NRG3: variants seen among roughly 807,000 people sequenced by gnomAD.
NRG3 encodes the protein pro-neuregulin-3, membrane-bound isoform.
A neutral mutation model predicts 66.9 loss-of-function variants in NRG3; 31 were observed. That is an observed-to-expected ratio of 0.46 (90% CI 0.35 to 0.63). NRG3 has a LOEUF of 0.63. NRG3 is among the 20% of genes least tolerant of loss of function. The pLI is 0.00. For synonymous variants in NRG3, 393 were observed against 359.4 expected, an observed-to-expected ratio of 1.09 and a Z score of -1.06; for missense variants, 910 against 878.9, an observed-to-expected ratio of 1.04 and a Z score of -0.45.
In NRG3 at chr10:82,985,142, A is replaced by C; in HGVS notation, c.1628A>C (p.Asn543Thr). 1.2e-6 allele frequency: 2 copies of C among 1,614,042 alleles called. No homozygotes were observed. The highest frequency in any genetic ancestry group is 1.7e-6 in the Non-Finnish European group (2 of 1,179,978). The change falls in exon 9 of 9, where the codon AAT becomes ACT. Residue 543 changes from asparagine to threonine, a missense_variant. Transcript: ENST00000372141. ...AAAACCCAACGAAATACATCAATAA[A>C]TATGCAACTGCCTTCAAGAGAGACA... ...GLKTQRNTSI[N>T]MQLPSRETNP... is the part of the protein sequence containing the mutation.
At chr10:81,908,010 C>A (rs1431353442) in intron 1 of NRG3, among the ~76,000 whole-genome samples, 2 of 151,904 alleles carry the variant, frequency 1.3e-5, no homozygotes, top group African/African-American at 4.8e-5. Flanking sequence ...AGACAAAGGC[C>A]CTCTTTAATT....
chr10:82,725,485 A>T (rs1012396405), intron 2 of NRG3, among the ~76,000 whole-genome samples: 2 of 152,180 alleles, frequency 1.3e-5, no homozygotes, highest in African/African-American at 4.8e-5. Context: ...CAAGTGCCTT[A>T]TCCTTAAAAC....
Position 81,875,391 on chromosome 10 carries a change from C to T in NRG3, c.51C>T (p.Ala17=). ...AASPPGAASA[A]AASAEEGTAA... is the part of the protein sequence containing the mutation. ...CGCCACCTGGTGCCGCTTCGGCAGC[C>T]GCCGCCTCGGCCGAGGAGGGCACCG... is the stretch of plus-strand genomic sequence containing the variant. Residue 17 remains alanine, a synonymous_variant, in exon 1 of 9, where the codon GCC becomes GCT. Transcript: ENST00000372141. This position sits in a 1 kb window ranked among gnomAD's most constrained non-coding sequence, Gnocchi z 5.3. 1 of 997,890 alleles carries T rather than the reference C, an allele frequency of 1.0e-6. No individual in the cohort carries two copies. The highest frequency in any genetic ancestry group is 1.2e-6 in the Non-Finnish European group (1 of 839,966). 61.8% of individuals were successfully genotyped at this position (997,890 alleles called of 1,614,324 possible).
intron 1 of NRG3, among the ~76,000 whole-genome samples, chr10:82,342,492 T>C (rs1394543566): frequency 3.3e-5 from 5 of 152,146 alleles, no homozygotes; most frequent in Non-Finnish European, 1.5e-5. Flanking sequence ...CTCACTGTGG[T>C]TTTAATTTGC....
Position 82,130,997 on chromosome 10 carries a change from A to G in NRG3, c.824-227742A>G, listed in dbSNP as rs759824742. On this transcript the variant is annotated intron_variant, in intron 1 of 8. Coordinates refer to ENST00000372141, the MANE Select transcript of NRG3 (RefSeq NM_001010848.4). The stretch of plus-strand genomic sequence containing the variant: ...TTTCCTTCCATTCTGTAGGTTGTCA[A>G]TTCACTTTGTTGATTGTTTTCTTTG... 1.1e-4 allele frequency among the ~76,000 whole-genome samples: 16 copies of G among 152,222 alleles called. No homozygotes were observed. In the Middle Eastern group the frequency reaches 0.01, roughly 97 times the overall value.
chr10:82,918,289 A>T (rs1846084281), intron 4 of NRG3, among the ~76,000 whole-genome samples: 2 of 152,076 alleles, frequency 1.3e-5, no homozygotes, highest in African/African-American at 2.4e-5. Flanking sequence ...GAGAGAAAAG[A>T]CTGCATTCAG....
intron 4 of NRG3, among the ~76,000 whole-genome samples, chr10:82,895,078 C>CT (rs1843521124): frequency 2.0e-5 from 3 of 152,170 alleles, no homozygotes; most frequent in Admixed American, 6.5e-5. Flanking sequence ...TGAACTCATT[C>CT]TTTTTTATGG....
chr10:82,162,781 A>G (rs1158019570), intron 1 of NRG3, among the ~76,000 whole-genome samples: 2 of 152,158 alleles, frequency 1.3e-5, no homozygotes, highest in Admixed American at 1.3e-4. Context: ...ACGTGGAATC[A>G]ATTTAACCCT....
At chr10:82,869,296 G>A (rs1841057000) in intron 4 of NRG3, among the ~76,000 whole-genome samples, 1 of 152,090 alleles carries the variant, frequency 6.6e-6, no homozygotes, top group Non-Finnish European at 1.5e-5. Flanking sequence ...CTTCAAACAT[G>A]CACAGCTACC....
chr10:81,964,385 G>C (rs1344541668), intron 1 of NRG3, among the ~76,000 whole-genome samples: 1 of 108,576 alleles, frequency 9.2e-6, no homozygotes, highest in East Asian at 2.8e-4. Context: ...AACAGAGTGA[G>C]ACTCTGTCTC....
intron 4 of NRG3, among the ~76,000 whole-genome samples, chr10:82,890,719 G>C (rs1843078060): frequency 6.6e-6 from 1 of 152,042 alleles, no homozygotes; most frequent in Admixed American, 6.6e-5. Flanking sequence ...TTGTTGTTTT[G>C]TCCTTTGGTT....
chr10:82,361,152 T>C (rs1050018999), intron 2 of NRG3, among the ~76,000 whole-genome samples: 3 of 152,228 alleles, frequency 2.0e-5, no homozygotes, highest in Admixed American at 6.5e-5. Context: ...GTGAGATGCA[T>C]GTACATCTCT....
At chr10:81,905,760 C>T (rs1010736786) in intron 1 of NRG3, among the ~76,000 whole-genome samples, 2 of 152,188 alleles carry the variant, frequency 1.3e-5, no homozygotes, top group African/African-American at 4.8e-5. Context: ...AATCAGCCCT[C>T]ACACTATGGC....
intron 2 of NRG3, among the ~76,000 whole-genome samples, chr10:82,445,666 C>A (rs2090681307): frequency 6.6e-6 from 1 of 152,202 alleles, no homozygotes; most frequent in African/African-American, 2.4e-5. Flanking sequence ...AACAGCAAGA[C>A]TTACTGATTC....
At chr10:81,996,099 T>C (rs2060929438) in intron 1 of NRG3, among the ~76,000 whole-genome samples, 2 of 152,198 alleles carry the variant, frequency 1.3e-5, no homozygotes, top group Non-Finnish European at 2.9e-5. Context: ...TGTCTGAGTA[T>C]TAACATGATG....
At chr10:82,203,220 C>T (rs975541323) in intron 1 of NRG3, among the ~76,000 whole-genome samples, 14 of 152,038 alleles carry the variant, frequency 9.2e-5, no homozygotes, top group African/African-American at 3.4e-4. Context: ...CAGATTAAAT[C>T]AGTGGTGATG....
At chr10:82,583,402 A>G (rs2046477152) in intron 2 of NRG3, among the ~76,000 whole-genome samples, 1 of 152,186 alleles carries the variant, frequency 6.6e-6, no homozygotes, top group Admixed American at 6.5e-5. Flanking sequence ...GTTGAAAATT[A>G]AAATTGTTAA....
chr10:82,174,330 A>G (rs1589216707), intron 1 of NRG3, among the ~76,000 whole-genome samples: 1 of 151,330 alleles, frequency 6.6e-6, no homozygotes, highest in South Asian at 2.1e-4. Flanking sequence ...CTTCATACTT[A>G]CCTCTTTCCA....
At chr10:82,323,055 A>G (rs931629034) in intron 1 of NRG3, among the ~76,000 whole-genome samples, 1 of 152,212 alleles carries the variant, frequency 6.6e-6, no homozygotes, top group Non-Finnish European at 1.5e-5. Context: ...CCATTTCTGC[A>G]TAATTGAAAT....
Sources: allele counts gnomAD v4.1 joint callset (sites outside exome capture counted in the v4.1 genomes callset), GRCh38; gene constraint gnomAD v4.1.1; non-coding constraint Gnocchi (gnomAD v3.1); transcripts MANE v1.5; gene names NCBI Gene and HGNC (gene_info 2026-07-23, HGNC 2026-07-21).